Variants in GATAD1 observed in about 807,000 individuals in gnomAD.
GATAD1 encodes GATA zinc finger domain-containing protein 1.
GATAD1 carries 12 observed loss-of-function variants against 26.5 expected under a neutral mutation model. That is an observed-to-expected ratio of 0.45 (90% CI 0.29 to 0.73). The LOEUF (loss-of-function observed/expected upper bound fraction) is 0.73, where lower values mean the gene tolerates loss of function less well. GATAD1 is among the 30% of genes least tolerant of loss of function. The pLI is 0.10. For synonymous variants in GATAD1, 129 were observed against 133.1 expected, an observed-to-expected ratio of 0.97 and a Z score of 0.21; for missense variants, 266 against 342.1, an observed-to-expected ratio of 0.78 and a Z score of 1.75.
chr7:92,480,529 T>C, the GATAD1 span, among the ~76,000 whole-genome samples: 1 of 152,186 alleles, frequency 6.6e-6, no homozygotes, highest in Non-Finnish European at 1.5e-5. Context: ...AGAGGTGGAC[T>C]AGTGGCTTGT....
At chr7:92,490,392 TGGG>T in the GATAD1 span, 1 of 178,822 alleles carries the variant, frequency 5.6e-6, no homozygotes, top group Admixed American at 5.7e-5. Flanking sequence ...CCTAGCACTT[TGGG>T]AGGTCAAGGC....
chr7:92,489,400 T>C, the GATAD1 span: 1 of 1,613,234 alleles, frequency 6.2e-7, no homozygotes. Flanking sequence ...TGATTGGTCC[T>C]GGTTGGTTCA....
the GATAD1 span, chr7:92,487,416 A>G: frequency 9.6e-7 from 1 of 1,044,016 alleles, no homozygotes; most frequent in Non-Finnish European, 1.5e-6. Flanking sequence ...TGGAAAAGCC[A>G]TCAAAAAACT....
the GATAD1 span, among the ~76,000 whole-genome samples, chr7:92,484,607 A>G: frequency 6.6e-6 from 1 of 152,136 alleles, no homozygotes; most frequent in Non-Finnish European, 1.5e-5. Context: ...AAAGAACTGG[A>G]ATTGGAAGGA....
Position 92,457,519 on chromosome 7 carries a change from CTTAAA to C in GATAD1, c.*961_*965del, listed in dbSNP as rs1562822646. ...AGAATATAATGAAATATATTTTGAACTTAAATTATATTCTATATGTGTATCTTCCT... is the reference window on the plus strand; with the variant it reads ...AGAATATAATGAAATATATTTTGAACTTATATTCTATATGTGTATCTTCCT... On this transcript the variant is annotated 3_prime_UTR_variant, in exon 5 of 5. Coordinates refer to ENST00000287957, the MANE Select transcript of GATAD1 (RefSeq NM_021167.5). 1.3e-5 allele frequency: 2 copies of C among 152,126 alleles called. No individual in the cohort carries two copies. The highest frequency in any genetic ancestry group is 2.4e-5 in the African/African-American group (1 of 41,422). 9.4% of individuals were successfully genotyped at this position (152,126 alleles called of 1,614,324 possible).
chr7:92,460,735 G>A (rs2115907212), downstream of GATAD1, among the ~76,000 whole-genome samples: 1 of 141,458 alleles, frequency 7.1e-6, no homozygotes, highest in South Asian at 2.2e-4. Flanking sequence ...CCATGATTGT[G>A]CCACCACTCC....
At chr7:92,466,179 T>A in the GATAD1 span, among the ~76,000 whole-genome samples, 1 of 152,168 alleles carries the variant, frequency 6.6e-6, no homozygotes, top group African/African-American at 2.4e-5. Flanking sequence ...ATTTTATTTT[T>A]TTTTTGAAAC....
the GATAD1 span, among the ~76,000 whole-genome samples, chr7:92,479,028 C>T: frequency 2.6e-5 from 4 of 152,218 alleles, no homozygotes; most frequent in African/African-American, 9.6e-5. Flanking sequence ...GACACCGCCT[C>T]CTCCAGCCTC....
chr7:92,448,608 T>C, intron 1 of GATAD1, 144 bp from the exon 2 acceptor site: 1 of 703,520 alleles, frequency 1.4e-6, no homozygotes, highest in Non-Finnish European at 2.5e-6. Flanking sequence ...TAATTACTTC[T>C]CTTGAAAAGC....
At chr7:92,467,450 T>C in the GATAD1 span, among the ~76,000 whole-genome samples, 776 of 152,384 alleles carry the variant, frequency 5.1e-3, 3 homozygotes, top group African/African-American at 6.9e-3. Context: ...ATTAAACTTA[T>C]TAAATTCATA....
chr7:92,476,346 G>A, the GATAD1 span, among the ~76,000 whole-genome samples: 3 of 152,104 alleles, frequency 2.0e-5, no homozygotes, highest in Admixed American at 6.6e-5. Context: ...TTGCGCTACC[G>A]ACTGAATGCA....
downstream of GATAD1, among the ~76,000 whole-genome samples, chr7:92,463,476 C>G (rs1483028016): frequency 6.6e-6 from 1 of 151,188 alleles, no homozygotes; most frequent in African/African-American, 2.4e-5. Context: ...ATGGTGAAAC[C>G]CTGTCTCTAC....
At chr7:92,463,759 A>G (rs1325570774), downstream of GATAD1, among the ~76,000 whole-genome samples, 2 of 152,076 alleles carry the variant, frequency 1.3e-5, no homozygotes, top group African/African-American at 4.8e-5. Context: ...AGTTGAGGTC[A>G]AGAGTTAAGG....
rs1789233727 is a variant in GATAD1, at chr7:92,448,000, C to T, written c.249+22C>T. On this transcript the variant is annotated intron_variant, in intron 1 of 4. Transcript: ENST00000287957. ...GCAGGTGAGCTCCTCCGGCCCCTCC[C>T]GCCGGCGGAGGCCGACCAGGTGCTA... 2.5e-6 allele frequency: 3 copies of T among 1,210,504 alleles called. No individual in the cohort carries two copies. In the South Asian group the frequency reaches 1.2e-4, roughly 50 times the overall value. The allele number at this position is 1,210,504 out of a possible 1,614,324, so 75.0% of individuals were successfully genotyped here. A position where few individuals can be genotyped will look rare whatever the true frequency, so the allele number is the denominator to read the frequency against.
At chr7:92,476,658 CTCTG>C in the GATAD1 span, among the ~76,000 whole-genome samples, 2 of 152,018 alleles carry the variant, frequency 1.3e-5, no homozygotes, top group African/African-American at 4.8e-5. Flanking sequence ...TCTCTCTCCT[CTCTG>C]TCTCTCTCTC....
At chr7:92,495,711 T>G in the GATAD1 span, among the ~76,000 whole-genome samples, 3 of 152,134 alleles carry the variant, frequency 2.0e-5, no homozygotes, top group Non-Finnish European at 2.9e-5. Flanking sequence ...ATCAAACTTG[T>G]TAGAGATTTG....
the GATAD1 span, chr7:92,469,341 G>A: frequency 1.3e-5 from 10 of 765,136 alleles, no homozygotes; most frequent in Non-Finnish European, 2.2e-5. Context: ...ATAGTTTGTA[G>A]TAGAACTGAG....
chr7:92,469,298 C>T, the GATAD1 span: 50 of 764,480 alleles, frequency 6.5e-5, no homozygotes, highest in South Asian at 5.4e-4. Flanking sequence ...AGGGAGTCGG[C>T]GACCCGTTCC....
the GATAD1 span, chr7:92,491,657 T>C: frequency 1.7e-6 from 1 of 602,688 alleles, no homozygotes; most frequent in South Asian, 2.0e-5. Flanking sequence ...TTGAGGCACA[T>C]GGTAAAAATT....
Sources: gnomAD v4.1 joint callset for allele counts (sites outside exome capture counted in the v4.1 genomes callset) on GRCh38, gnomAD v4.1.1 for gene constraint, MANE v1.5 for transcripts, NCBI Gene and HGNC (gene_info 2026-07-23, HGNC 2026-07-21) for gene names.